Variants in ARHGAP27 observed in about 807,000 individuals in gnomAD.
ARHGAP27 encodes the protein Rho GTPase activating protein 27.
In ARHGAP27, 53 loss-of-function variants were observed where a neutral mutation model predicts 102.0. The ratio of observed to expected loss-of-function variants is 0.52; its 90% CI spans 0.42 to 0.65. ARHGAP27 has a LOEUF of 0.65. ARHGAP27 is among the 30% of genes least tolerant of loss of function. The pLI, the probability that ARHGAP27 is intolerant of heterozygous loss-of-function variation, is 0.00. For synonymous variants in ARHGAP27, 525 were observed against 542.8 expected, an observed-to-expected ratio of 0.97 and a Z score of 0.46; for missense variants, 1,117 against 1,256.2, an observed-to-expected ratio of 0.89 and a Z score of 1.68.
chr17:45,405,705 G>A lies in ARHGAP27; in HGVS notation c.1036C>T (p.Leu346=), dbSNP rs1311524415. The A allele has an allele frequency of 6.2e-7, 1 of 1,602,546 alleles. No individual in the cohort carries two copies. Among genetic ancestry groups the A allele is most frequent in the Non-Finnish European group, 8.5e-7 (1 of 1,178,600 alleles). The change falls in exon 5 of 20, where the codon CTG becomes TTG. Residue 346 remains leucine, a synonymous_variant. Transcript: ENST00000685559. ...PEEELEMQPG[L]SPGSPGDPRP... is the part of the protein sequence containing the mutation. ...GGGTCCCCTGGGCTGCCAGGGCTCAGGCCCGGCTGCATCTCCAACTCCTCC... is the reference window on the plus strand; with the variant it reads ...GGGTCCCCTGGGCTGCCAGGGCTCAAGCCCGGCTGCATCTCCAACTCCTCC...
rs2050016631 is a variant in ARHGAP27, at chr17:45,430,933, A to G, written c.-18-636T>C. On this transcript the variant is annotated intron_variant, in intron 3 of 19. Transcript: ENST00000685559. This position sits in a 1 kb window ranked among gnomAD's most constrained non-coding sequence, Gnocchi z 4.4. ...CTTGCTGTAGAGGCCTCCGCTGCCA[A>G]TGCAGGGGAACCGGTTCTCTCGGTT... is the stretch of plus-strand genomic sequence containing the variant. Among the ~76,000 whole-genome samples the G allele has an allele frequency of 6.6e-6, 1 of 151,868 alleles. No homozygotes were observed.
intron 9 of ARHGAP27, 60 bp downstream of exon 9, chr17:45,404,209 C>G: frequency 6.2e-7 from 1 of 1,611,500 alleles, no homozygotes; most frequent in East Asian, 2.2e-5. Context: ...GGGCCCGTGT[C>G]TCCACTGAAC....
chr17:45,427,947 G>T lies in ARHGAP27; in HGVS notation c.657+1676C>A, dbSNP rs1441159885. Among the ~76,000 whole-genome samples, 1 of 152,222 alleles carries T rather than the reference G, an allele frequency of 6.6e-6. No individual in the cohort carries two copies. The highest frequency in any genetic ancestry group is 6.5e-5 in the Admixed American group (1 of 15,286). ...CTTCTCAGGAGATGTCAGGACCTGG[G>T]CAGTCTCCTTCCTCTTTGGTCCTGG... On this transcript the variant is annotated intron_variant, in intron 4 of 19. Coordinates refer to ENST00000685559, the MANE Select transcript of ARHGAP27 (RefSeq NM_001282290.2). This position sits in a 1 kb window ranked among gnomAD's most constrained non-coding sequence, Gnocchi z 4.5.
rs530898735 is a variant in ARHGAP27 at position 45,394,061 on chromosome 17, A to C, written c.*1395T>G. ...GGTCAGCCTCACCCATCAGACCACA[A>C]GCTCCACCAGGGCAGGCAGCCCATG... On this transcript the variant is annotated 3_prime_UTR_variant, in exon 20 of 20. Coordinates refer to ENST00000685559, the MANE Select transcript of ARHGAP27 (RefSeq NM_001282290.2). 6.5e-6 allele frequency: 1 copy of C among 152,812 alleles called. No homozygotes were observed. Among genetic ancestry groups the C allele is most frequent in the Non-Finnish European group, 1.5e-5 (1 of 68,054 alleles). 9.5% of individuals were successfully genotyped at this position (152,812 alleles called of 1,614,324 possible).
intron 4 of ARHGAP27, among the ~76,000 whole-genome samples, chr17:45,410,738 G>A (rs1198155029): frequency 6.6e-6 from 1 of 152,050 alleles, no homozygotes; most frequent in Admixed American, 6.6e-5. Flanking sequence ...GGGCTGGCCT[G>A]GAGTGGCTCC....
intron 4 of ARHGAP27, among the ~76,000 whole-genome samples, chr17:45,406,695 C>T (rs1046682571): frequency 6.6e-6 from 1 of 152,062 alleles, no homozygotes; most frequent in African/African-American, 2.4e-5. Context: ...GCTCTGTCAC[C>T]CAGGCTGGAG....
At chr17:45,396,823 G>A (rs1478284338) in intron 14 of ARHGAP27, 33 bp from the exon 15 acceptor site, 3 of 1,607,626 alleles carry the variant, frequency 1.9e-6, no homozygotes, top group Non-Finnish European at 2.5e-6. Context: ...TGAGTCAGGA[G>A]GCAGCGCCAG....
intron 12 of ARHGAP27, among the ~76,000 whole-genome samples, chr17:45,402,118 C>T (rs1333340769): frequency 1.3e-5 from 2 of 152,172 alleles, no homozygotes; most frequent in African/African-American, 4.8e-5. Context: ...TCCACTGCCC[C>T]AGTTTATTCA....
At position 45,394,700 on chromosome 17, in the gene ARHGAP27, C is replaced by A. The variant is rs898476398; in HGVS notation, c.*756G>T. On this transcript the variant is annotated 3_prime_UTR_variant, in exon 20 of 20. Transcript: ENST00000685559. ...CTCACTGGACCTTGAGCAAGTCACACTGCTGCTGCAGGCCTCAGCGTCCTT... is the reference window on the plus strand; with the variant it reads ...CTCACTGGACCTTGAGCAAGTCACAATGCTGCTGCAGGCCTCAGCGTCCTT... The A allele has an allele frequency of 6.6e-6, 1 of 152,360 alleles. No individual in the cohort carries two copies. The highest frequency in any genetic ancestry group is 1.9e-4 in the East Asian group (1 of 5,206). The allele number at this position is 152,360 out of a possible 1,614,324, so 9.4% of individuals were successfully genotyped here. A position where few individuals can be genotyped will look rare whatever the true frequency, so the allele number is the denominator to read the frequency against.
At position 45,396,275 on chromosome 17, in the gene ARHGAP27, A is replaced by G. The variant is rs745359488; in HGVS notation, c.2183T>C (p.Ile728Thr). Residue 728 changes from isoleucine (I) to threonine (T), a missense_variant, in exon 17 of 20, where the codon ATC (isoleucine) becomes ACC (threonine). Physicochemically the swap from Ile to Thr is moderately conservative, Grantham distance 89 (BLOSUM62 -1). Around this residue, in one of 3 missense-constraint regions of ARHGAP27, gnomAD observed 493 missense variants for 505.5 expected, o/e 0.98. Coordinates refer to ENST00000685559, the MANE Select transcript of ARHGAP27 (RefSeq NM_001282290.2). ...TCCACTGATGCGGTACAGCCCGTCGATGTCCAGCCCTGGGCCAGAGGGAGG... is the reference window on the plus strand; with the variant it reads ...TCCACTGATGCGGTACAGCCCGTCGGTGTCCAGCCCTGGGCCAGAGGGAGG... ...IRAVEARGLDIDGLYRISGNL... is the reference protein window; with the variant it reads ...IRAVEARGLDTDGLYRISGNL... 3 of 1,612,598 alleles carry G rather than the reference A, an allele frequency of 1.9e-6. No individual in the cohort carries two copies. In the Admixed American group the frequency reaches 5.0e-5, roughly 27 times the overall value.
rs748419027 is a variant in ARHGAP27, at chr17:45,394,150, G to T, written c.*1306C>A. On this transcript the variant is annotated 3_prime_UTR_variant, in exon 20 of 20. Coordinates refer to ENST00000685559, the MANE Select transcript of ARHGAP27 (RefSeq NM_001282290.2). Reference sequence around the variant, plus strand: ...AGCAGACAATAAATACCGGCTGTGAGAAACAAATGGGATAATCCAAGCCGA... The same window carrying T: ...AGCAGACAATAAATACCGGCTGTGATAAACAAATGGGATAATCCAAGCCGA... 1 of 152,584 alleles carries T rather than the reference G, an allele frequency of 6.6e-6. No individual in the cohort carries two copies. The highest frequency in any genetic ancestry group is 2.4e-5 in the African/African-American group (1 of 41,468). 9.5% of individuals were successfully genotyped at this position (152,584 alleles called of 1,614,324 possible).
chr17:45,414,089 G>C lies in ARHGAP27; in HGVS notation c.658-8006C>G, dbSNP rs532442808. Among the ~76,000 whole-genome samples, 15 of 145,774 alleles carry C rather than the reference G, an allele frequency of 1.0e-4. 1 individual carries two copies. In the South Asian group the frequency reaches 3.0e-3, roughly 29 times the overall value. Reference sequence around the variant, plus strand: ...CCATTGCACTCCAGCCTGGGTGACAGAGCGAGACTCCATCTCAAAAAAAAA... The same window carrying C: ...CCATTGCACTCCAGCCTGGGTGACACAGCGAGACTCCATCTCAAAAAAAAA... On this transcript the variant is annotated intron_variant, in intron 4 of 19. Transcript: ENST00000685559.
chr17:45,430,055 G>T lies in ARHGAP27; in HGVS notation c.225C>A (p.Ala75=), dbSNP rs552447951. ...RELPALGNPA[A]AAPPGPHPSP... ...TCGGGTGGGGACCTGGCGGCGCGGC[G>T]GCGGCAGGGTTGCCCAGCGCGGGCA... The change falls in exon 4 of 20, where the codon GCC becomes GCA. Residue 75 remains alanine, a synonymous_variant. Transcript: ENST00000685559. The surrounding 1 kb of genome is among the most constrained non-coding windows in gnomAD (Gnocchi z 4.4). 60 of 1,276,832 alleles carry T rather than the reference G, an allele frequency of 4.7e-5. 1 individual carries two copies. In the South Asian group the frequency reaches 9.5e-4, roughly 20 times the overall value. 79.1% of individuals were successfully genotyped at this position (1,276,832 alleles called of 1,614,324 possible).
rs2049724354 is a variant in ARHGAP27, at chr17:45,427,391, A to G, written c.657+2232T>C. 6.6e-6 allele frequency among the ~76,000 whole-genome samples: 1 copy of G among 152,222 alleles called. No homozygotes were observed. The highest frequency in any genetic ancestry group is 1.5e-5 in the Non-Finnish European group (1 of 68,046). On this transcript the variant is annotated intron_variant, in intron 4 of 19. Transcript: ENST00000685559. The surrounding 1 kb of genome is among the most constrained non-coding windows in gnomAD (Gnocchi z 4.5). ...TCTTCTCTTGCTGGCCTCCTATCCA[A>G]GAGGGTGAGTCCCCCAGGATCGTGG...
chr17:45,404,943 T>C lies in ARHGAP27; in HGVS notation c.1229A>G (p.Asn410Ser), dbSNP rs1324760417. 32 of 1,613,756 alleles carry C rather than the reference T, an allele frequency of 2.0e-5. No individual in the cohort carries two copies. The highest frequency in any genetic ancestry group is 2.5e-5 in the Non-Finnish European group (30 of 1,179,946). The change falls in exon 6 of 20, where the codon AAC becomes AGC. Residue 410 changes from asparagine to serine, a missense_variant. Asn to Ser is a conservative substitution (Grantham distance 46). Transcript: ENST00000685559. ...VSQDKQMLYTNHFTQEQWVRL... is the reference protein window; with the variant it reads ...VSQDKQMLYTSHFTQEQWVRL... ...CCCTACCTGCTCCTGAGTGAAGTGGTTGGTGTAGAGCATCTGCTTGTCCTG... is the reference window on the plus strand; with the variant it reads ...CCCTACCTGCTCCTGAGTGAAGTGGCTGGTGTAGAGCATCTGCTTGTCCTG...
intron 4 of ARHGAP27, among the ~76,000 whole-genome samples, chr17:45,411,515 C>A (rs1371748517): frequency 1.3e-5 from 2 of 152,040 alleles, no homozygotes; most frequent in Non-Finnish European, 2.9e-5. Flanking sequence ...ACAAGGACCC[C>A]AAGCAGAGCC....
At chr17:45,416,970 C>G (rs2048531440) in intron 4 of ARHGAP27, among the ~76,000 whole-genome samples, 1 of 150,902 alleles carries the variant, frequency 6.6e-6, no homozygotes, top group Non-Finnish European at 1.5e-5. Flanking sequence ...GCCTGACCAA[C>G]ATGGAGAAAC....
chr17:45,410,131 A>G (rs1597814186), intron 4 of ARHGAP27: 9 of 1,371,964 alleles, frequency 6.6e-6, no homozygotes, highest in Non-Finnish European at 8.7e-6. Flanking sequence ...ATGAGCCCCA[A>G]CTTCCAAGAG....
intron 12 of ARHGAP27, among the ~76,000 whole-genome samples, chr17:45,398,659 G>A (rs181287545): frequency 3.9e-5 from 6 of 151,936 alleles, no homozygotes; most frequent in East Asian, 1.9e-4. Context: ...GCTTGAACCC[G>A]GGAAGCGGAG....
Sources: allele counts gnomAD v4.1 joint callset (sites outside exome capture counted in the v4.1 genomes callset), GRCh38; gene constraint gnomAD v4.1.1; regional missense constraint gnomAD v4.1.1; non-coding constraint Gnocchi (gnomAD v3.1); transcripts MANE v1.5; gene names NCBI Gene and HGNC (gene_info 2026-07-23, HGNC 2026-07-21).